PRDM16: variants seen among roughly 807,000 people sequenced by gnomAD.
The protein encoded by PRDM16 is PR/SET domain 16, also known as histone-lysine N-methyltransferase PRDM16.
Under a neutral mutation model 110.6 loss-of-function variants are expected in PRDM16, and 23 were observed. The ratio of observed to expected loss-of-function variants is 0.21; its 90% CI spans 0.15 to 0.29. PRDM16 has a LOEUF of 0.29. PRDM16 is among the 10% of genes least tolerant of loss of function. PRDM16 has a pLI of 1.00. For missense variants in PRDM16, 1,615 were observed against 1,794.3 expected (o/e 0.90, Z 1.81); for synonymous variants, 799 against 781.8 (o/e 1.02, Z -0.37).
At chr1:3,162,836 G>A (rs1244230202) in intron 1 of PRDM16, among the ~76,000 whole-genome samples, 1 of 152,086 alleles carries the variant, frequency 6.6e-6, no homozygotes, top group Non-Finnish European at 1.5e-5. Flanking sequence ...CGGCACCTCC[G>A]CAGGAGTGGT....
In PRDM16 at chr1:3,370,780, G is replaced by T. The variant is rs1409405885; in HGVS notation, c.439-14372G>T. Among the ~76,000 whole-genome samples, 1 of 152,082 alleles carries T rather than the reference G, an allele frequency of 6.6e-6. No homozygotes were observed. The highest frequency in any genetic ancestry group is 2.4e-5 in the African/African-American group (1 of 41,412). On this transcript the variant is annotated intron_variant, in intron 3 of 16. Coordinates refer to ENST00000270722, the MANE Select transcript of PRDM16 (RefSeq NM_022114.4). This position sits in a 1 kb window ranked among gnomAD's most constrained non-coding sequence, Gnocchi z 4.8. Reference sequence around the variant, plus strand: ...AGTGTCTGGGCAAGTTGAGGGGAGGGTCTGCTCCCCATCCATCCATCCACT... The same window carrying T: ...AGTGTCTGGGCAAGTTGAGGGGAGGTTCTGCTCCCCATCCATCCATCCACT...
Position 3,246,112 on chromosome 1 carries a change from C to A in PRDM16, c.438+1975C>A, listed in dbSNP as rs550217166. Among the ~76,000 whole-genome samples the A allele has an allele frequency of 3.3e-5, 5 of 152,182 alleles. No homozygotes were observed. The highest frequency in any genetic ancestry group is 7.3e-5 in the Non-Finnish European group (5 of 68,032). On this transcript the variant is annotated intron_variant, in intron 3 of 16. Transcript: ENST00000270722. This position sits in a 1 kb window ranked among gnomAD's most constrained non-coding sequence, Gnocchi z 5.2. ...AGTGCTGGCTGCTTCTGAACCAGAA[C>A]GAACTAGGACAGAAGGAGGGTGAAG...
At chr1:3,336,362 AG>A (rs1642149089) in intron 3 of PRDM16, among the ~76,000 whole-genome samples, 1 of 151,370 alleles carries the variant, frequency 6.6e-6, no homozygotes, top group East Asian at 1.9e-4. Context: ...GTGCATGTGG[AG>A]GGGTGTGTGT....
intron 1 of PRDM16, among the ~76,000 whole-genome samples, chr1:3,135,322 G>A (rs1643414509): frequency 6.6e-6 from 1 of 152,152 alleles, no homozygotes; most frequent in South Asian, 2.1e-4. Flanking sequence ...GCCACGTGAG[G>A]CCCTTCATCG....
At position 3,069,919 on chromosome 1, in the gene PRDM16, C is replaced by A. The variant is rs1350174125; in HGVS notation, c.37+623C>A. 2.0e-5 allele frequency among the ~76,000 whole-genome samples: 3 copies of A among 152,004 alleles called. No homozygotes were observed. Among genetic ancestry groups the A allele is most frequent in the Non-Finnish European group, 4.4e-5 (3 of 67,966 alleles). On this transcript the variant is annotated intron_variant, in intron 1 of 16. Transcript: ENST00000270722. The surrounding 1 kb of genome is among the most constrained non-coding windows in gnomAD (Gnocchi z 6.1). ...GGCAGGGGTGGCGACGGCGGGACAG[C>A]CGCAGCCACTTGGGGAGCAAAATGG... is the stretch of plus-strand genomic sequence containing the variant.
At chr1:3,200,733 A>C (rs1355284183) in intron 2 of PRDM16, among the ~76,000 whole-genome samples, 2 of 150,146 alleles carry the variant, frequency 1.3e-5, no homozygotes, top group Admixed American at 1.3e-4. Context: ...CTGGAAATGC[A>C]GAGAGTGCTG....
intron 3 of PRDM16, among the ~76,000 whole-genome samples, chr1:3,306,063 C>G (rs10909924): frequency 0.18 from 27,696 of 152,234 alleles, 2,632 homozygotes; most frequent in East Asian, 0.32. Context: ...CCACTTCCCT[C>G]CAGGTTGTGA....
rs1205591486 is a variant in PRDM16 at position 3,190,235 on chromosome 1, TCGTGGGG to T, written c.387+3763_387+3769del. On this transcript the variant is annotated intron_variant, in intron 2 of 16. Coordinates refer to ENST00000270722, the MANE Select transcript of PRDM16 (RefSeq NM_022114.4). This position sits in a 1 kb window ranked among gnomAD's most constrained non-coding sequence, Gnocchi z 5.0. The stretch of plus-strand genomic sequence containing the variant: ...GTCGTGGGGCAGCCTTACTTCAAGG[TCGTGGGG>T]CAGCCTTACTTCAAGGTCGTGGGGC... Among the ~76,000 whole-genome samples the T allele has an allele frequency of 5.4e-5, 8 of 147,592 alleles. No homozygotes were observed. The highest frequency in any genetic ancestry group is 4.0e-4 in the East Asian group (2 of 5,060).
chr1:3,207,267 G>C (rs1297015695), intron 2 of PRDM16: 1 of 152,234 alleles, frequency 6.6e-6, no homozygotes, highest in African/African-American at 2.4e-5. Flanking sequence ...TTCCACTGCC[G>C]AGCTCCCCAC....
At chr1:3,385,810 C>A (rs183904176) in intron 4 of PRDM16, among the ~76,000 whole-genome samples, 1 of 152,348 alleles carries the variant, frequency 6.6e-6, no homozygotes, top group East Asian at 1.9e-4. Context: ...GGCACAAAGT[C>A]CCTGTCCTGC....
chr1:3,415,525 C>T (rs970474277), intron 10 of PRDM16, among the ~76,000 whole-genome samples: 4 of 152,226 alleles, frequency 2.6e-5, no homozygotes, highest in African/African-American at 9.7e-5. Context: ...TCCCCGGGGC[C>T]GTGGAGTTTG....
intron 1 of PRDM16, chr1:3,133,034 C>T (rs1049359578): frequency 3.3e-5 from 5 of 152,306 alleles, no homozygotes; most frequent in African/African-American, 1.2e-4. Flanking sequence ...CAAACAGCGT[C>T]CGTGCAGCAG....
intron 1 of PRDM16, among the ~76,000 whole-genome samples, chr1:3,160,250 C>A (rs1056443489): frequency 2.0e-5 from 3 of 152,296 alleles, no homozygotes; most frequent in Admixed American, 6.5e-5. Flanking sequence ...GCTGGGCAGG[C>A]AGGATGTGTT....
chr1:3,164,725 C>T (rs976772530), intron 1 of PRDM16, among the ~76,000 whole-genome samples: 1 of 152,090 alleles, frequency 6.6e-6, no homozygotes, highest in African/African-American at 2.4e-5. Flanking sequence ...GTCACGGTCC[C>T]GCGTGATCAT....
chr1:3,090,475 A>G (rs2817165), intron 1 of PRDM16, among the ~76,000 whole-genome samples: 63,904 of 152,148 alleles, frequency 0.42, 13,811 homozygotes, highest in African/African-American at 0.52. Flanking sequence ...CTCCCCTGAG[A>G]CCACCCATGA....
rs181306879 is a variant in PRDM16 at position 3,384,460 on chromosome 1, G to A, written c.439-692G>A. On this transcript the variant is annotated intron_variant, in intron 3 of 16. Transcript: ENST00000270722. The stretch of plus-strand genomic sequence containing the variant: ...GGACAGCAGGTCAGGTCTCCTCATC[G>A]GTGGTCCTCGGAGGAGTGGGGGTCA... Among the ~76,000 whole-genome samples, 88 of 152,352 alleles carry A rather than the reference G, an allele frequency of 5.8e-4. 1 individual carries two copies. The South Asian group carries it at 0.016, about 28-fold the overall frequency.
At chr1:3,138,430 G>C (rs929353962) in intron 1 of PRDM16, among the ~76,000 whole-genome samples, 4 of 152,244 alleles carry the variant, frequency 2.6e-5, no homozygotes, top group African/African-American at 9.6e-5. Flanking sequence ...TGTCATGGCT[G>C]TGCCCCCGGA....
At position 3,350,022 on chromosome 1, in the gene PRDM16, T is replaced by G. The variant is rs1642451069; in HGVS notation, c.439-35130T>G. Among the ~76,000 whole-genome samples the G allele has an allele frequency of 6.6e-6, 1 of 152,132 alleles. No homozygotes were observed. The highest frequency in any genetic ancestry group is 2.4e-5 in the African/African-American group (1 of 41,432). ...GAGGCCTGGACCTGACTCCTGTCTT[T>G]GAGGGGGGAAGAGGACAGGGCAGAA... On this transcript the variant is annotated intron_variant, in intron 3 of 16. Coordinates refer to ENST00000270722, the MANE Select transcript of PRDM16 (RefSeq NM_022114.4). The surrounding 1 kb of genome is among the most constrained non-coding windows in gnomAD (Gnocchi z 7.1).
chr1:3,432,035 C>G lies in PRDM16; in HGVS notation c.3591C>G (p.Asp1197Glu). 6.2e-7 allele frequency: 1 copy of G among 1,614,136 alleles called. No individual in the cohort carries two copies. Among genetic ancestry groups the G allele is most frequent in the South Asian group, 1.1e-5 (1 of 91,080 alleles). The change falls in exon 16 of 17, where the codon GAC becomes GAG. Residue 1197 changes from aspartate (D) to glutamate (E), a missense_variant. By Grantham distance (45) the Asp-to-Glu change is conservative. Around this residue, in one of 5 missense-constraint regions of PRDM16, gnomAD observed 327 missense variants for 359.3 expected, o/e 0.91. Transcript: ENST00000270722. ...TGCCGACTTTTGGGAAGGGGCTGGA[C>G]CTCCGCAGAGCAGCTGAGGAAGCAT... Reference protein sequence around the residue: ...EPMPTFGKGLDLRRAAEEAFE... With the variant: ...EPMPTFGKGLELRRAAEEAFE...
Sources: gnomAD v4.1 joint callset for allele counts (sites outside exome capture counted in the v4.1 genomes callset) on GRCh38, gnomAD v4.1.1 for gene constraint, gnomAD v4.1.1 regional missense constraint, Gnocchi (gnomAD v3.1) non-coding constraint, MANE v1.5 for transcripts, NCBI Gene and HGNC (gene_info 2026-07-23, HGNC 2026-07-21) for gene names.